The following NPIPB8 variants were observed in gnomAD, a reference collection of about 807,000 sequenced individuals.
NPIPB8 encodes nuclear pore complex-interacting protein family member B8.
Under a neutral mutation model 5.3 loss-of-function variants are expected in NPIPB8, and 3 were observed. The ratio of observed to expected loss-of-function variants is 0.57; its 90% CI spans 0.26 to 1.47. The LOEUF (loss-of-function observed/expected upper bound fraction) is 1.47, where lower values mean the gene tolerates loss of function less well. Ranked by LOEUF, NPIPB8 falls within the 40% of genes most tolerant of loss-of-function variation. NPIPB8 has a pLI of 0.13. For missense variants in NPIPB8, 50 were observed against 50.2 expected (o/e 1.00, Z 0.01); for synonymous variants, 18 against 23.0 (o/e 0.78, Z 0.62).
rs1339903668 is a variant in NPIPB8, at chr16:28,651,764, G to A, written c.304-193G>A. On this transcript the variant is annotated intron_variant, in intron 3 of 7. Coordinates refer to ENST00000683297, the MANE Select transcript of NPIPB8 (RefSeq NM_001310136.2). ...CTGCCTCAGCCTCCCGAGTAGCTTG[G>A]ATTACAGGCGCCCGCTGCCATGCCT... Among the ~76,000 whole-genome samples, 51 of 67,910 alleles carry A rather than the reference G, an allele frequency of 7.5e-4. 3 individuals carry two copies. Among genetic ancestry groups the A allele is most frequent in the African/African-American group, 4.3e-3 (48 of 11,074 alleles). 44.6% of individuals were successfully genotyped at this position (67,910 alleles called of 152,430 possible).
Position 28,638,170 on chromosome 16 carries a change from T to G in NPIPB8, c.-39+20T>G. On this transcript the variant is annotated intron_variant, in intron 1 of 7. Coordinates refer to ENST00000683297, the MANE Select transcript of NPIPB8 (RefSeq NM_001310136.2). ...ACTGAGGTTAAAAGGGGTAAAGTAA[T>G]TTTGCATGGCATGAAGTAGAAATTC... 2.9e-6 allele frequency: 2 copies of G among 681,714 alleles called. No homozygotes were observed. The highest frequency in any genetic ancestry group is 4.9e-6 in the Non-Finnish European group (2 of 412,114). The allele number at this position is 681,714 out of a possible 1,614,324, so 42.2% of individuals were successfully genotyped here. A position where few individuals can be genotyped will look rare whatever the true frequency, so the allele number is the denominator to read the frequency against.
intron 2 of NPIPB8, among the ~76,000 whole-genome samples, chr16:28,640,794 A>G (rs2047883219): frequency 1.3e-5 from 2 of 152,192 alleles, no homozygotes; most frequent in African/African-American, 4.8e-5. Context: ...TGTAATCAGC[A>G]GTGAACTCAG....
At chr16:28,647,760 G>T in intron 2 of NPIPB8, among the ~76,000 whole-genome samples, 1 of 36,954 alleles carries the variant, frequency 2.7e-5, no homozygotes, top group Non-Finnish European at 4.4e-5. Context: ...GCGGAACTCT[G>T]TCTCCAAAAA....
intron 2 of NPIPB8, among the ~76,000 whole-genome samples, chr16:28,640,381 G>A (rs556786801): frequency 1.3e-5 from 2 of 152,126 alleles, no homozygotes; most frequent in South Asian, 2.1e-4. Context: ...GAGAATAAAG[G>A]AGCAGCCTCC....
intron 2 of NPIPB8, among the ~76,000 whole-genome samples, chr16:28,639,444 C>CATATATATAT: frequency 8.5e-6 from 1 of 116,972 alleles, no homozygotes; most frequent in African/African-American, 3.8e-5. Flanking sequence ...CACACACACA[C>CATATATATAT]ATATATATAT....
chr16:28,642,497 G>A (rs2047918358), intron 2 of NPIPB8, among the ~76,000 whole-genome samples: 1 of 149,968 alleles, frequency 6.7e-6, no homozygotes, highest in Admixed American at 6.6e-5. Flanking sequence ...AGTTGTTGCT[G>A]TTTTTGAGAC....
chr16:28,653,669 C>CATGTTAT (rs2048082496), intron 5 of NPIPB8, among the ~76,000 whole-genome samples: 1 of 95,742 alleles, frequency 1.0e-5, no homozygotes, highest in Non-Finnish European at 2.1e-5. Flanking sequence ...GGCCTAGTGG[C>CATGTTAT]ATGTTATCTT....
intron 2 of NPIPB8, among the ~76,000 whole-genome samples, chr16:28,639,438 C>A (rs1326179300): frequency 2.2e-5 from 2 of 92,204 alleles, no homozygotes; most frequent in East Asian, 5.8e-4. Flanking sequence ...GACACACACA[C>A]ACACACATAT....
At chr16:28,642,637 A>G (rs1379550140) in intron 2 of NPIPB8, among the ~76,000 whole-genome samples, 4 of 150,332 alleles carry the variant, frequency 2.7e-5, no homozygotes, top group South Asian at 4.2e-4. Context: ...GGTGCCCACC[A>G]CCACACCCGG....
At chr16:28,643,027 G>A (rs2047933268) in intron 2 of NPIPB8, among the ~76,000 whole-genome samples, 1 of 152,144 alleles carries the variant, frequency 6.6e-6, no homozygotes, top group Admixed American at 6.5e-5. Flanking sequence ...GCCAGGAAAG[G>A]TGATAGACAG....
intron 2 of NPIPB8, among the ~76,000 whole-genome samples, chr16:28,639,898 G>A (rs2047863564): frequency 1.3e-5 from 2 of 150,072 alleles, no homozygotes; most frequent in Admixed American, 6.6e-5. Flanking sequence ...ACACTTTACT[G>A]CATTGTCTGA....
At chr16:28,642,101 G>A (rs754992510) in intron 2 of NPIPB8, among the ~76,000 whole-genome samples, 3 of 138,674 alleles carry the variant, frequency 2.2e-5, no homozygotes, top group Non-Finnish European at 3.1e-5. Flanking sequence ...CCGAAATCTA[G>A]GGCTTCTTTT....
intron 2 of NPIPB8, among the ~76,000 whole-genome samples, chr16:28,644,905 G>A (rs28520997): frequency 0.098 from 9,402 of 95,948 alleles, 1,027 homozygotes; most frequent in African/African-American, 0.39. Flanking sequence ...AGGCTGAGGT[G>A]GGAGGATCGC....
At chr16:28,638,998 G>A (rs1296381297) in intron 2 of NPIPB8, among the ~76,000 whole-genome samples, 1 of 150,558 alleles carries the variant, frequency 6.6e-6, no homozygotes, top group Non-Finnish European at 1.5e-5. Flanking sequence ...AGATTCAGGA[G>A]GTGGAGGTTT....
chr16:28,643,116 C>T (rs1442286676), intron 2 of NPIPB8, among the ~76,000 whole-genome samples: 2 of 150,940 alleles, frequency 1.3e-5, no homozygotes, highest in African/African-American at 4.9e-5. Context: ...CATGATGCTG[C>T]CAAGCCCTCT....
intron 2 of NPIPB8, among the ~76,000 whole-genome samples, chr16:28,639,345 C>G (rs540962658): frequency 6.7e-6 from 1 of 148,922 alleles, no homozygotes; most frequent in East Asian, 1.9e-4. Flanking sequence ...ATTATCTTGT[C>G]TTTTAAAATA....
chr16:28,652,720 G>T (rs2048063304), intron 5 of NPIPB8, among the ~76,000 whole-genome samples: 1 of 128,564 alleles, frequency 7.8e-6, no homozygotes, highest in African/African-American at 3.1e-5. Flanking sequence ...TCCTGTCTCA[G>T]CCTCCCAAGT....
chr16:28,639,335 A>C (rs1249778447), intron 2 of NPIPB8, among the ~76,000 whole-genome samples: 1 of 150,086 alleles, frequency 6.7e-6, no homozygotes, highest in Non-Finnish European at 1.5e-5. Flanking sequence ...TAAGTTGAAC[A>C]TTATCTTGTC....
rs201621015 is a variant in NPIPB8 at position 28,642,734 on chromosome 16, G to A, written c.120+4254G>A. Among the ~76,000 whole-genome samples, 226 of 148,814 alleles carry A rather than the reference G, an allele frequency of 1.5e-3. 5 individuals are homozygous for A. The East Asian group carries it at 0.039, about 26-fold the overall frequency. ...CCTGACCTTGTGATCCGCCCACCTC[G>A]GCCTCCCAAAGTGCTGGGATTACAG... On this transcript the variant is annotated intron_variant, in intron 2 of 7. Coordinates refer to ENST00000683297, the MANE Select transcript of NPIPB8 (RefSeq NM_001310136.2).
Sources: allele counts gnomAD v4.1 joint callset (sites outside exome capture counted in the v4.1 genomes callset), GRCh38; gene constraint gnomAD v4.1.1; transcripts MANE v1.5; gene names NCBI Gene and HGNC (gene_info 2026-07-23, HGNC 2026-07-21).